The following DDX50 variants were observed in gnomAD, a reference collection of about 807,000 sequenced individuals.
DDX50 encodes ATP-dependent RNA helicase DDX50.
A neutral mutation model predicts 94.8 loss-of-function variants in DDX50; 56 were observed. That is an observed-to-expected ratio of 0.59 (90% CI 0.48 to 0.74). DDX50 has a LOEUF of 0.74. Among genes scored for constraint, DDX50 ranks in the 30% least tolerant of loss-of-function variants. DDX50 has a pLI of 0.00. For missense variants in DDX50, 713 were observed against 881.2 expected (o/e 0.81, Z 2.42); for synonymous variants, 264 against 295.4 (o/e 0.89, Z 1.09).
At chr10:68,932,262 T>G (rs774993096) in intron 8 of DDX50, among the ~76,000 whole-genome samples, 6 of 152,194 alleles carry the variant, frequency 3.9e-5, no homozygotes, top group African/African-American at 1.4e-4. Flanking sequence ...ATTACTGTTA[T>G]GAACTTCTGT....
intron 1 of DDX50, among the ~76,000 whole-genome samples, chr10:68,904,800 G>A (rs1841393216): frequency 3.9e-5 from 6 of 152,200 alleles, no homozygotes; most frequent in Admixed American, 3.9e-4. Context: ...CTATTGGTTT[G>A]GAAAGATGTG....
chr10:68,913,610 T>C, intron 6 of DDX50, 34 bp downstream of exon 6: 1 of 1,567,408 alleles, frequency 6.4e-7, no homozygotes, highest in Non-Finnish European at 8.7e-7. Flanking sequence ...ACATTAGCAA[T>C]TATTGTTCGA....
chr10:68,936,259 G>A (rs1048033570), intron 11 of DDX50, among the ~76,000 whole-genome samples, 180 bp downstream of exon 11: 47 of 151,402 alleles, frequency 3.1e-4, no homozygotes, highest in African/African-American at 1.1e-3. Flanking sequence ...AGGCTGAGGC[G>A]GGCAGCTCAT....
intron 14 of DDX50, among the ~76,000 whole-genome samples, chr10:68,944,436 A>G (rs1371490826): frequency 6.6e-6 from 1 of 152,208 alleles, no homozygotes; most frequent in African/African-American, 2.4e-5. Context: ...CTACTTTGAA[A>G]CAAAAATGAG....
chr10:68,919,900 T>G lies in DDX50; in HGVS notation c.1158T>G (p.Ser386Arg), dbSNP rs1461329429. Residue 386 changes from serine (S) to arginine (R), a missense_variant, in exon 8 of 15, where the codon AGT (serine) becomes AGG (arginine). Transcript: ENST00000373585. Reference sequence around the variant, plus strand: ...TTGGAGATGTCCTTCAAGTCTACAGTGGGTCTGAAGGGAGGGCTATTATTT... The same window carrying G: ...TTGGAGATGTCCTTCAAGTCTACAGGGGGTCTGAAGGGAGGGCTATTATTT... ...AVIGDVLQVY[S>R]GSEGRAIIFC... 1 of 1,614,092 alleles carries G rather than the reference T, an allele frequency of 6.2e-7. No individual in the cohort carries two copies. Among genetic ancestry groups the G allele is most frequent in the African/African-American group, 1.3e-5 (1 of 75,048 alleles).
rs1191589759 is a variant in DDX50 at position 68,937,110 on chromosome 10, G to C, written c.1755+15G>C. The C allele has an allele frequency of 2.5e-6, 4 of 1,580,160 alleles. No individual in the cohort carries two copies. In the Admixed American group the frequency reaches 7.0e-5, roughly 28 times the overall value. On this transcript the variant is annotated intron_variant, in intron 12 of 14. Coordinates refer to ENST00000373585, the MANE Select transcript of DDX50 (RefSeq NM_024045.2). ...CCTCTGATAAGGTAGAAATCTGTGA[G>C]AAAATTGTACATGAGTGGGAAAAGG... is the stretch of plus-strand genomic sequence containing the variant.
In DDX50 at chr10:68,904,017, G is replaced by C. The variant is rs187816620; in HGVS notation, c.87+2546G>C. Reference sequence around the variant, plus strand: ...AAATTAGCTGGGCGTGGTGGCAGACGCCTGTAATCCCAGCTACTCGGGATG... The same window carrying C: ...AAATTAGCTGGGCGTGGTGGCAGACCCCTGTAATCCCAGCTACTCGGGATG... On this transcript the variant is annotated intron_variant, in intron 1 of 14. Coordinates refer to ENST00000373585, the MANE Select transcript of DDX50 (RefSeq NM_024045.2). Among the ~76,000 whole-genome samples, 472 of 151,136 alleles carry C rather than the reference G, an allele frequency of 3.1e-3. 8 individuals carry two copies. The highest frequency in any genetic ancestry group is 0.011 in the African/African-American group (460 of 41,094).
intron 1 of DDX50, among the ~76,000 whole-genome samples, chr10:68,902,638 A>G (rs1841326114): frequency 6.6e-6 from 1 of 151,418 alleles, no homozygotes; most frequent in South Asian, 2.1e-4. Flanking sequence ...CTCTCCTTCC[A>G]CTCCCGGCAA....
chr10:68,928,823 C>T (rs1194159776), intron 8 of DDX50, among the ~76,000 whole-genome samples: 1 of 152,202 alleles, frequency 6.6e-6, no homozygotes, highest in Non-Finnish European at 1.5e-5. Flanking sequence ...CATACATCTA[C>T]CCATTGCTTA....
At chr10:68,924,715 T>C (rs1842034618) in intron 8 of DDX50, among the ~76,000 whole-genome samples, 1 of 152,194 alleles carries the variant, frequency 6.6e-6, no homozygotes, top group Non-Finnish European at 1.5e-5. Context: ...TTTCCTCATT[T>C]TTCTCTGTAT....
At chr10:68,930,818 T>C (rs1842245019) in intron 8 of DDX50, among the ~76,000 whole-genome samples, 1 of 152,196 alleles carries the variant, frequency 6.6e-6, no homozygotes, top group Admixed American at 6.5e-5. Flanking sequence ...TACAGCTGGC[T>C]AACTTTTTAT....
chr10:68,910,469 CT>C, intron 3 of DDX50, 87 bp downstream of exon 3: 5 of 1,033,458 alleles, frequency 4.8e-6, no homozygotes, highest in South Asian at 1.6e-5. Context: ...GTGGGGCAGT[CT>C]TGGCTCACTG....
At chr10:68,912,416 G>A (rs1404948878) in intron 4 of DDX50, among the ~76,000 whole-genome samples, 1 of 152,042 alleles carries the variant, frequency 6.6e-6, no homozygotes, top group Non-Finnish European at 1.5e-5. Context: ...GTCTCATTCT[G>A]TAGTCCAGGC....
intron 14 of DDX50, among the ~76,000 whole-genome samples, chr10:68,944,266 T>TA (rs761834201): frequency 1.3e-5 from 2 of 152,162 alleles, no homozygotes; most frequent in Non-Finnish European, 2.9e-5. Flanking sequence ...AAGTCTCTTT[T>TA]AATCTATAGG....
chr10:68,918,247 C>G (rs1427262824), intron 7 of DDX50, among the ~76,000 whole-genome samples: 2 of 151,736 alleles, frequency 1.3e-5, no homozygotes, highest in African/African-American at 2.4e-5. Context: ...AACTAGAGTG[C>G]CATATTTACA....
intron 8 of DDX50, among the ~76,000 whole-genome samples, chr10:68,928,031 A>G (rs1193086072): frequency 2.6e-5 from 4 of 152,196 alleles, no homozygotes. Context: ...TTTAAAATAA[A>G]TGAATAATAA....
chr10:68,935,937 TAA>T (rs1409680081), intron 10 of DDX50, 67 bp from the exon 11 acceptor site: 8 of 1,034,124 alleles, frequency 7.7e-6, no homozygotes, highest in Non-Finnish European at 1.2e-5. Context: ...AACGAACTAT[TAA>T]AATATTAATT....
At chr10:68,944,104 CTT>C (rs1842610061) in intron 14 of DDX50, among the ~76,000 whole-genome samples, 1 of 152,132 alleles carries the variant, frequency 6.6e-6, no homozygotes, top group Admixed American at 6.6e-5. Flanking sequence ...ATATTAATGA[CTT>C]TAAAAAAGAC....
chr10:68,933,662 G>T (rs1005497135), intron 8 of DDX50, among the ~76,000 whole-genome samples: 5 of 151,884 alleles, frequency 3.3e-5, no homozygotes, highest in Non-Finnish European at 5.9e-5. Flanking sequence ...GGCCGGGTGT[G>T]GTGGCTCACG....
Sources: gnomAD v4.1 joint callset for allele counts (sites outside exome capture counted in the v4.1 genomes callset) on GRCh38, gnomAD v4.1.1 for gene constraint, MANE v1.5 for transcripts, NCBI Gene and HGNC (gene_info 2026-07-23, HGNC 2026-07-21) for gene names.